AUTS2: variants seen among roughly 807,000 people sequenced by gnomAD.
The protein encoded by AUTS2 is activator of transcription and developmental regulator AUTS2.
A neutral mutation model predicts 112.4 loss-of-function variants in AUTS2; 17 were observed. The ratio of observed to expected loss-of-function variants is 0.15; its 90% CI spans 0.10 to 0.23. The LOEUF is 0.23. AUTS2 is among the 10% of genes least tolerant of loss of function. The pLI is 1.00. For synonymous variants in AUTS2, 751 were observed against 702.7 expected (o/e 1.07, Z -1.09); for missense variants, 1,510 against 1,701.6 (o/e 0.89, Z 1.98).
chr7:70,051,656 T>C (rs1666447250), intron 2 of AUTS2, among the ~76,000 whole-genome samples: 1 of 152,044 alleles, frequency 6.6e-6, no homozygotes, highest in African/African-American at 2.4e-5. Context: ...AAGGTGAAGG[T>C]TGCAGTGAGC....
chr7:70,106,146 A>C (rs1202771873), intron 2 of AUTS2, among the ~76,000 whole-genome samples: 1 of 152,172 alleles, frequency 6.6e-6, no homozygotes, highest in East Asian at 1.9e-4. Flanking sequence ...GAGGGTCTTT[A>C]TACATCTTCT....
intron 6 of AUTS2, among the ~76,000 whole-genome samples, chr7:70,757,956 AT>A (rs1789326361): frequency 6.6e-6 from 1 of 151,322 alleles, no homozygotes; most frequent in African/African-American, 2.4e-5. Flanking sequence ...TAATTTTTGT[AT>A]TTTTAGCAGA....
At chr7:69,666,256 T>A (rs1442411121) in intron 1 of AUTS2, among the ~76,000 whole-genome samples, 3 of 152,226 alleles carry the variant, frequency 2.0e-5, no homozygotes, top group Non-Finnish European at 4.4e-5. Flanking sequence ...GACCAACATG[T>A]ATACATTCTT....
intron 5 of AUTS2, among the ~76,000 whole-genome samples, chr7:70,602,368 A>C (rs1803519603): frequency 1.3e-5 from 2 of 152,210 alleles, no homozygotes; most frequent in South Asian, 4.1e-4. Flanking sequence ...CCCCTGGTAC[A>C]TTGACACCTG....
chr7:69,952,586 G>A (rs1797068622), intron 2 of AUTS2, among the ~76,000 whole-genome samples: 2 of 151,998 alleles, frequency 1.3e-5, no homozygotes, highest in African/African-American at 4.8e-5. Context: ...TGCCTCTGTG[G>A]GTCTTATTTT....
intron 2 of AUTS2, among the ~76,000 whole-genome samples, chr7:70,051,726 A>C (rs967458191): frequency 3.3e-5 from 5 of 152,236 alleles, no homozygotes; most frequent in African/African-American, 1.2e-4. Flanking sequence ...TCTAAAAAAA[A>C]CAGATTCACT....
At chr7:70,399,764 AAT>A (rs1794246747) in intron 4 of AUTS2, among the ~76,000 whole-genome samples, 1 of 152,084 alleles carries the variant, frequency 6.6e-6, no homozygotes, top group Non-Finnish European at 1.5e-5. Context: ...AATAAAATAA[AAT>A]AAAATAAAAT....
chr7:70,128,771 T>G (rs1011373992), intron 3 of AUTS2, among the ~76,000 whole-genome samples: 1 of 152,228 alleles, frequency 6.6e-6, no homozygotes, highest in Non-Finnish European at 1.5e-5. Context: ...TATCTCACAG[T>G]TCTGGAGGCT....
chr7:69,839,753 C>T (rs1309823248), intron 1 of AUTS2, among the ~76,000 whole-genome samples: 1 of 152,122 alleles, frequency 6.6e-6, no homozygotes, highest in African/African-American at 2.4e-5. Context: ...AGTTCTATTC[C>T]TCACTGCCTC....
chr7:70,675,937 G>A (rs1456590760), intron 5 of AUTS2, among the ~76,000 whole-genome samples: 1 of 152,196 alleles, frequency 6.6e-6, no homozygotes, highest in Non-Finnish European at 1.5e-5. Context: ...CAGGCTGAAG[G>A]AAAGAAGATG....
chr7:70,333,750 T>C (rs1790864891), intron 4 of AUTS2, among the ~76,000 whole-genome samples: 1 of 151,838 alleles, frequency 6.6e-6, no homozygotes, highest in East Asian at 1.9e-4. Flanking sequence ...AAGTGGGAGA[T>C]GAACAATGAG....
In AUTS2 at chr7:69,598,956, A is replaced by T. The variant is rs1792203488; in HGVS notation, c.-698A>T. 1.3e-5 allele frequency: 2 copies of T among 152,420 alleles called. No homozygotes were observed. The highest frequency in any genetic ancestry group is 2.9e-5 in the Non-Finnish European group (2 of 68,646). The allele number at this position is 152,420 out of a possible 1,614,324, so 9.4% of individuals were successfully genotyped here. A position where few individuals can be genotyped will look rare whatever the true frequency, so the allele number is the denominator to read the frequency against. ...CGCCCTCTCTTCCGCTAATGATTGC[A>T]TTATTATGCTCCCCTCTCTGGGGGG... is the stretch of plus-strand genomic sequence containing the variant. On this transcript the variant is annotated 5_prime_UTR_variant, in exon 1 of 19. Coordinates refer to ENST00000342771, the MANE Select transcript of AUTS2 (RefSeq NM_015570.4).
intron 2 of AUTS2, among the ~76,000 whole-genome samples, chr7:69,925,819 C>T (rs995798288): frequency 6.6e-6 from 1 of 152,186 alleles, no homozygotes; most frequent in African/African-American, 2.4e-5. Flanking sequence ...TGAACCTGGC[C>T]TGGAATTGGT....
Position 69,756,263 on chromosome 7 carries a change from A to G in AUTS2, c.310-143023A>G, listed in dbSNP as rs527832964. On this transcript the variant is annotated intron_variant, in intron 1 of 18. Transcript: ENST00000342771. ...ACAGTTTTAACAAAGGCGGAGAAGAAATTATAGGGTGGGAAAGAAATGCCT... is the reference window on the plus strand; with the variant it reads ...ACAGTTTTAACAAAGGCGGAGAAGAGATTATAGGGTGGGAAAGAAATGCCT... 2.9e-4 allele frequency among the ~76,000 whole-genome samples: 44 copies of G among 152,314 alleles called. No homozygotes were observed. In the South Asian group the frequency reaches 5.8e-3, roughly 20 times the overall value.
chr7:69,715,266 A>G (rs1016542627), intron 1 of AUTS2, among the ~76,000 whole-genome samples: 1 of 151,696 alleles, frequency 6.6e-6, no homozygotes, highest in African/African-American at 2.4e-5. Context: ...GATTTCAAAC[A>G]TGTTCAGAGT....
intron 1 of AUTS2, among the ~76,000 whole-genome samples, chr7:69,844,842 ACT>A (rs1792125880): frequency 6.6e-6 from 1 of 152,160 alleles, no homozygotes; most frequent in African/African-American, 2.4e-5. Flanking sequence ...TGTGTTACAT[ACT>A]ACCTAACAGT....
intron 2 of AUTS2, among the ~76,000 whole-genome samples, chr7:70,057,733 T>A (rs1189460652): frequency 6.6e-6 from 1 of 152,176 alleles, no homozygotes; most frequent in African/African-American, 2.4e-5. Flanking sequence ...CAGATTGGCT[T>A]CTTTCACTTA....
At position 70,255,074 on chromosome 7, in the gene AUTS2, C is replaced by CTTTTT. The variant is rs3078929; in HGVS notation, c.660+120518_660+120522dup. 3.0e-3 allele frequency among the ~76,000 whole-genome samples: 393 copies of CTTTTT among 129,624 alleles called. 7 individuals carry two copies. Among genetic ancestry groups the CTTTTT allele is most frequent in the African/African-American group, 0.01 (356 of 34,504 alleles). 85.0% of individuals were successfully genotyped at this position (129,624 alleles called of 152,430 possible). Reference sequence around the variant, plus strand: ...GGGTTGTTCTGGACCTCAAAATTACCTTTTTTTTTTTTTTTTTTTGACGGA... The same window carrying CTTTTT: ...GGGTTGTTCTGGACCTCAAAATTACCTTTTTTTTTTTTTTTTTTTTTTTTGACGGA... On this transcript the variant is annotated intron_variant, in intron 4 of 18. Transcript: ENST00000342771.
At chr7:69,775,082 GTGT>G (rs1788833878) in intron 1 of AUTS2, among the ~76,000 whole-genome samples, 2 of 152,144 alleles carry the variant, frequency 1.3e-5, no homozygotes, top group Non-Finnish European at 2.9e-5. Flanking sequence ...TTATTGGGTA[GTGT>G]TGTGAAGAAT....
Sources: allele counts gnomAD v4.1 joint callset (sites outside exome capture counted in the v4.1 genomes callset), GRCh38; gene constraint gnomAD v4.1.1; transcripts MANE v1.5; gene names NCBI Gene and HGNC (gene_info 2026-07-23, HGNC 2026-07-21).